The following SPART variants were observed in gnomAD, a reference collection of about 807,000 sequenced individuals.
The protein encoded by SPART is spartin, also known as spastic paraplegia 20 (Troyer syndrome).
A neutral mutation model predicts 58.7 loss-of-function variants in SPART; 35 were observed. That is an observed-to-expected ratio of 0.60 (90% CI 0.46 to 0.79). SPART has a LOEUF of 0.79. SPART is among the 30% of genes least tolerant of loss of function. The probability of loss-of-function intolerance (pLI) is 0.00; values close to 1 mark genes in which losing one functional copy is unlikely to be tolerated. For synonymous variants in SPART, 284 were observed against 280.7 expected (o/e 1.01, Z -0.12); for missense variants, 730 against 786.1 (o/e 0.93, Z 0.85).
chr13:36,349,273 G>A (rs2874916), upstream of SPART, among the ~76,000 whole-genome samples: 40,261 of 151,958 alleles, frequency 0.26, 5,643 homozygotes, highest in East Asian at 0.51. Context: ...AAACAAACAA[G>A]CAAAAAACTG....
In SPART at chr13:36,302,671, C is replaced by T. The variant is rs997944664; in HGVS notation, c.*1694G>A. ...ATGGGATACATGAGATATTTTGATA[C>T]AGGTATGCGATTTATAATAATTACA... On this transcript the variant is annotated 3_prime_UTR_variant, in exon 9 of 9. Transcript: ENST00000438666. 1 of 152,026 alleles carries T rather than the reference C, an allele frequency of 6.6e-6. No homozygotes were observed. The highest frequency in any genetic ancestry group is 1.5e-5 in the Non-Finnish European group (1 of 67,994). The allele number at this position is 152,026 out of a possible 1,614,324, so 9.4% of individuals were successfully genotyped here.
chr13:36,323,602 T>C (rs556874580), intron 5 of SPART, among the ~76,000 whole-genome samples: 5 of 152,330 alleles, frequency 3.3e-5, no homozygotes, highest in South Asian at 4.1e-4. Flanking sequence ...ATTTTGTACA[T>C]AGACTGAATC....
chr13:36,367,424 C>A (rs185602569), intron 1 of SPART, among the ~76,000 whole-genome samples: 1 of 152,204 alleles, frequency 6.6e-6, no homozygotes, highest in East Asian at 1.9e-4. Flanking sequence ...CCCCTGAGCC[C>A]TATGCAAATC....
upstream of SPART, among the ~76,000 whole-genome samples, chr13:36,349,253 ACT>A (rs1050381528): frequency 6.6e-6 from 1 of 152,038 alleles, no homozygotes; most frequent in East Asian, 1.9e-4. Context: ...CAAGAGCAAA[ACT>A]CTGTCTCAAA....
At chr13:36,342,137 A>G (rs891115452) in intron 1 of SPART, among the ~76,000 whole-genome samples, 3 of 152,218 alleles carry the variant, frequency 2.0e-5, no homozygotes, top group African/African-American at 7.2e-5. Context: ...TGTGCTACAT[A>G]CGATAGGACA....
intron 1 of SPART, among the ~76,000 whole-genome samples, chr13:36,363,442 G>A (rs1438548951): frequency 6.6e-6 from 1 of 151,706 alleles, no homozygotes; most frequent in Non-Finnish European, 1.5e-5. Flanking sequence ...ATGCTGAGCT[G>A]CTGCCTTTTG....
chr13:36,321,588 C>T (rs1359473476), intron 5 of SPART, among the ~76,000 whole-genome samples: 1 of 152,240 alleles, frequency 6.6e-6, no homozygotes, highest in African/African-American at 2.4e-5. Flanking sequence ...ATCTCTCCCA[C>T]TCTAGGTTCC....
At chr13:36,343,482 A>G (rs543156036) in intron 1 of SPART, among the ~76,000 whole-genome samples, 3 of 152,326 alleles carry the variant, frequency 2.0e-5, no homozygotes, top group South Asian at 4.1e-4. Context: ...TAAAATGTTA[A>G]TATCAATACC....
chr13:36,310,306 A>C (rs1373345077), intron 8 of SPART, among the ~76,000 whole-genome samples: 4 of 152,140 alleles, frequency 2.6e-5, no homozygotes, highest in Non-Finnish European at 5.9e-5. Flanking sequence ...ATAAATAGTA[A>C]GATCCAAACT....
At chr13:36,326,781 C>T in intron 4 of SPART, 83 bp from the exon 5 acceptor site, 1 of 1,418,558 alleles carries the variant, frequency 7.0e-7, no homozygotes, top group Non-Finnish European at 9.8e-7. Flanking sequence ...AAATATGAAG[C>T]CAACAAATAC....
At chr13:36,365,592 G>A (rs199938032) in intron 1 of SPART, 1 of 469,444 alleles carries the variant, frequency 2.1e-6, no homozygotes, top group Admixed American at 2.4e-5. Flanking sequence ...CACAGATGAA[G>A]GATATTGGTC....
chr13:36,331,583 A>G lies in SPART; in HGVS notation c.824T>C (p.Leu275Ser). The stretch of plus-strand genomic sequence containing the variant: ...AGATCTATCAGGAACTAGAGGATAT[A>G]ACCAGTCACAAACCTGAAAGGATTC... ...PPGFLQVCDWLYPLVPDRSPV... is the reference protein window; with the variant it reads ...PPGFLQVCDWSYPLVPDRSPV... The change falls in exon 3 of 9, where the codon TTA becomes TCA. Residue 275 changes from leucine (L) to serine (S), a missense_variant. Coordinates refer to ENST00000438666, the MANE Select transcript of SPART (RefSeq NM_015087.5). 6.2e-7 allele frequency: 1 copy of G among 1,613,750 alleles called. No individual in the cohort carries two copies. The highest frequency in any genetic ancestry group is 8.5e-7 in the Non-Finnish European group (1 of 1,179,700).
chr13:36,368,804 A>G (rs1269617392), intron 1 of SPART, among the ~76,000 whole-genome samples: 3 of 152,116 alleles, frequency 2.0e-5, no homozygotes, highest in Non-Finnish European at 4.4e-5. Flanking sequence ...GATCGAGACC[A>G]TCTGGCCAAC....
At chr13:36,344,048 AAAAG>A (rs1240986318) in intron 1 of SPART, among the ~76,000 whole-genome samples, 34 of 151,694 alleles carry the variant, frequency 2.2e-4, no homozygotes, top group African/African-American at 3.4e-4. Flanking sequence ...AAAAAAAAAA[AAAAG>A]AAAGAAAGAA....
upstream of SPART, among the ~76,000 whole-genome samples, chr13:36,347,147 GA>G (rs35356839): frequency 8.7e-5 from 13 of 149,282 alleles, no homozygotes; most frequent in Non-Finnish European, 1.6e-4. Context: ...CTGCCTTAGG[GA>G]AAAAAAAACA....
intron 1 of SPART, among the ~76,000 whole-genome samples, chr13:36,341,825 A>T (rs1194350372): frequency 6.6e-6 from 1 of 152,210 alleles, no homozygotes; most frequent in Admixed American, 6.5e-5. Flanking sequence ...TATACAATTG[A>T]CCATATACAG....
chr13:36,321,667 C>T, intron 5 of SPART, among the ~76,000 whole-genome samples: 1 of 152,080 alleles, frequency 6.6e-6, no homozygotes, highest in Non-Finnish European at 1.5e-5. Flanking sequence ...ATATCACCCC[C>T]CAAAAATTTT....
At chr13:36,332,814 A>C (rs1218476488) in intron 2 of SPART, among the ~76,000 whole-genome samples, 1 of 152,172 alleles carries the variant, frequency 6.6e-6, no homozygotes, top group Non-Finnish European at 1.5e-5. Flanking sequence ...CTTACCCACA[A>C]ACTTTTAACA....
At chr13:36,333,478 C>G (rs566526447) in intron 2 of SPART, among the ~76,000 whole-genome samples, 5 of 143,044 alleles carry the variant, frequency 3.5e-5, no homozygotes, top group Non-Finnish European at 4.5e-5. Context: ...CATATGTTAA[C>G]TCCTTTTAAG....
Sources: gnomAD v4.1 joint callset for allele counts (sites outside exome capture counted in the v4.1 genomes callset) on GRCh38, gnomAD v4.1.1 for gene constraint, MANE v1.5 for transcripts, NCBI Gene and HGNC (gene_info 2026-07-23, HGNC 2026-07-21) for gene names.